MACROD2: variants seen among roughly 807,000 people sequenced by gnomAD.
MACROD2 encodes the protein mono-ADP ribosylhydrolase 2.
Under a neutral mutation model 70.4 loss-of-function variants are expected in MACROD2, and 36 were observed. The observed-to-expected ratio is 0.51, with a 90% CI of 0.39 to 0.68. The LOEUF (loss-of-function observed/expected upper bound fraction) is 0.68. MACROD2 is among the 30% of genes least tolerant of loss of function. The pLI, the probability that MACROD2 is intolerant of heterozygous loss-of-function variation, is 0.00. For synonymous variants in MACROD2, 172 were observed against 178.8 expected (o/e 0.96, Z 0.30); for missense variants, 496 against 538.4 (o/e 0.92, Z 0.78).
At chr20:15,492,248 T>G (rs2047240806) in intron 7 of MACROD2, among the ~76,000 whole-genome samples, 2 of 152,096 alleles carry the variant, frequency 1.3e-5, no homozygotes, top group African/African-American at 4.8e-5. Flanking sequence ...CTATCAGAAT[T>G]GCTTTTATGG....
intron 8 of MACROD2, among the ~76,000 whole-genome samples, chr20:15,759,145 C>CAAAAAAAAAAA (rs57212358): frequency 5.1e-5 from 3 of 58,924 alleles, no homozygotes; most frequent in African/African-American, 6.9e-5. Flanking sequence ...GACTCCATCT[C>CAAAAAAAAAAA]AAAAAAAAAA....
chr20:15,167,391 G>A (rs2076392994), intron 5 of MACROD2, among the ~76,000 whole-genome samples: 1 of 152,074 alleles, frequency 6.6e-6, no homozygotes, highest in Non-Finnish European at 1.5e-5. Context: ...AGATAACCTT[G>A]TTTCCTGCAA....
At chr20:16,035,112 AAATATAATATAAAATAT>A (rs1568725869) in intron 15 of MACROD2, among the ~76,000 whole-genome samples, 2 of 32,250 alleles carry the variant, frequency 6.2e-5, no homozygotes, top group Non-Finnish European at 2.0e-4. Flanking sequence ...ATTATATATA[AAATATAATATAAAATAT>A]TATATATTAT....
intron 3 of MACROD2, among the ~76,000 whole-genome samples, chr20:14,136,117 T>G (rs778075885): frequency 2.0e-5 from 3 of 152,108 alleles, no homozygotes; most frequent in Non-Finnish European, 4.4e-5. Context: ...CTAGAACAAA[T>G]AAGTGAGCTT....
chr20:14,852,517 A>G (rs2073210146), intron 5 of MACROD2, among the ~76,000 whole-genome samples: 2 of 152,128 alleles, frequency 1.3e-5, no homozygotes, highest in African/African-American at 4.8e-5. Context: ...TTAGTTTTGC[A>G]CACTCACAAG....
intron 5 of MACROD2, among the ~76,000 whole-genome samples, chr20:15,153,819 C>G (rs1201395442): frequency 6.6e-6 from 1 of 152,156 alleles, no homozygotes; most frequent in African/African-American, 2.4e-5. Context: ...GTTTCTTTAT[C>G]TGTGTGCTGG....
chr20:14,969,118 A>G (rs1229898764), intron 5 of MACROD2, among the ~76,000 whole-genome samples: 2 of 151,948 alleles, frequency 1.3e-5, no homozygotes, highest in East Asian at 3.9e-4. Flanking sequence ...CTACTCATTC[A>G]GCCAGAAAAT....
rs73100665 is a variant in MACROD2, at chr20:14,617,965, G to A, written c.302-66878G>A. Among the ~76,000 whole-genome samples the A allele has an allele frequency of 2.3e-3, 346 of 152,178 alleles. 4 individuals are homozygous for A. Among genetic ancestry groups the A allele is most frequent in the Non-Finnish European group, 3.1e-3 (211 of 67,980 alleles). On this transcript the variant is annotated intron_variant, in intron 4 of 17. Coordinates refer to ENST00000684519, the MANE Select transcript of MACROD2 (RefSeq NM_001351661.2). ...GGAGCTGAAGGGAGTCACAAAGGAA[G>A]GTTTCTTCAATCTCTCTTCTTTTGC...
At chr20:15,821,868 T>C (rs560575561) in intron 8 of MACROD2, among the ~76,000 whole-genome samples, 39 of 152,246 alleles carry the variant, frequency 2.6e-4, no homozygotes, top group Admixed American at 7.9e-4. Context: ...ACCAGTCCCC[T>C]GTGGATACCG....
chr20:15,460,977 C>CATATATATATATATATATATAT (rs1157335873), intron 7 of MACROD2, among the ~76,000 whole-genome samples: 15 of 69,728 alleles, frequency 2.2e-4, no homozygotes, highest in South Asian at 1.3e-3. Context: ...TCTCTCTCTC[C>CATATATATATATATATATATAT]ATATATATAT....
At chr20:15,396,906 T>C (rs1287566571) in intron 6 of MACROD2, among the ~76,000 whole-genome samples, 1 of 152,134 alleles carries the variant, frequency 6.6e-6, no homozygotes, top group African/African-American at 2.4e-5. Flanking sequence ...CCCACATGAG[T>C]TGTTCTATGG....
chr20:14,281,178 C>T (rs926488800), intron 3 of MACROD2, among the ~76,000 whole-genome samples: 2 of 152,112 alleles, frequency 1.3e-5, no homozygotes, highest in African/African-American at 4.8e-5. Flanking sequence ...AAACCAAAGG[C>T]CCATCAGCTG....
chr20:14,471,975 A>G (rs1210777904), intron 3 of MACROD2, among the ~76,000 whole-genome samples: 1 of 152,180 alleles, frequency 6.6e-6, no homozygotes, highest in Non-Finnish European at 1.5e-5. Context: ...CATGATTTAC[A>G]TGATTTAAAA....
intron 15 of MACROD2, 118 bp downstream of exon 15, chr20:15,987,276 C>T (rs2066499409): frequency 3.8e-6 from 3 of 790,882 alleles, no homozygotes; most frequent in African/African-American, 3.6e-5. Flanking sequence ...GGAAAACGAA[C>T]ATTTCCTTAA....
intron 5 of MACROD2, among the ~76,000 whole-genome samples, chr20:14,909,736 A>G (rs917558078): frequency 6.6e-5 from 10 of 152,096 alleles, no homozygotes; most frequent in Admixed American, 2.6e-4. Context: ...GCTTCTACCT[A>G]TCTGAAAAAA....
At chr20:15,045,744 T>TTCC (rs11482249) in intron 5 of MACROD2, among the ~76,000 whole-genome samples, 30 of 134,702 alleles carry the variant, frequency 2.2e-4, no homozygotes, top group Non-Finnish European at 3.2e-4. Context: ...TTTTTTTTTT[T>TTCC]CCCTTTCTGA....
chr20:14,278,731 C>T (rs1357386564), intron 3 of MACROD2, among the ~76,000 whole-genome samples: 6 of 152,136 alleles, frequency 3.9e-5, no homozygotes, highest in Non-Finnish European at 7.3e-5. Flanking sequence ...CTTCAAAATA[C>T]TATCATTTTG....
At chr20:14,046,719 A>T (rs779290935) in intron 2 of MACROD2, among the ~76,000 whole-genome samples, 4 of 59,256 alleles carry the variant, frequency 6.8e-5, no homozygotes, top group Non-Finnish European at 4.5e-5. Context: ...ATTCTCTTTT[A>T]TTTATTTATT....
At chr20:14,409,511 A>G (rs1323035911) in intron 3 of MACROD2, among the ~76,000 whole-genome samples, 1 of 152,014 alleles carries the variant, frequency 6.6e-6, no homozygotes, top group Non-Finnish European at 1.5e-5. Context: ...AGAGTCATCC[A>G]GGCCAAGTAA....
Sources: allele counts gnomAD v4.1 joint callset (sites outside exome capture counted in the v4.1 genomes callset), GRCh38; gene constraint gnomAD v4.1.1; transcripts MANE v1.5; gene names NCBI Gene and HGNC (gene_info 2026-07-23, HGNC 2026-07-21).